SH3TC1: variants seen among roughly 807,000 people sequenced by gnomAD.
SH3TC1 encodes the protein SH3 domain and tetratricopeptide repeats 1, also known as SH3 domain and tetratricopeptide repeat-containing protein 1.
A neutral mutation model predicts 117.3 loss-of-function variants in SH3TC1; 135 were observed. That is an observed-to-expected ratio of 1.15 (90% CI 1.00 to 1.33). The LOEUF (loss-of-function observed/expected upper bound fraction) is 1.33, where lower values mean the gene tolerates loss of function less well. Ranked by LOEUF, SH3TC1 falls within the 40% of genes most tolerant of loss-of-function variation. The pLI, the probability that SH3TC1 is intolerant of heterozygous loss-of-function variation, is 0.00. For missense variants in SH3TC1, 2,092 were observed against 1,794.3 expected, an observed-to-expected ratio of 1.17 and a Z score of -3.00; for synonymous variants, 898 against 816.9, an observed-to-expected ratio of 1.10 and a Z score of -1.69.
At chr4:8,187,207 A>G (rs1430028437) in intron 1 of SH3TC1, among the ~76,000 whole-genome samples, 1 of 152,092 alleles carries the variant, frequency 6.6e-6, no homozygotes, top group Non-Finnish European at 1.5e-5. Context: ...TAGACAGGGG[A>G]TATGGGTTTG....
chr4:8,240,351 GC>G (rs1722220563), intron 17 of SH3TC1, among the ~76,000 whole-genome samples: 1 of 152,210 alleles, frequency 6.6e-6, no homozygotes, highest in African/African-American at 2.4e-5. Context: ...TCAACACTGT[GC>G]CCCTGCTGTG....
At position 8,237,471 on chromosome 4, in the gene SH3TC1, C is replaced by G; in HGVS notation, c.3557-3C>G. The G allele has an allele frequency of 6.4e-7, 1 of 1,561,022 alleles. No homozygotes were observed. Among genetic ancestry groups the G allele is most frequent in the African/African-American group, 1.4e-5 (1 of 73,908 alleles). On this transcript the variant is annotated splice_polypyrimidine_tract_variant and splice_region_variant and intron_variant, in intron 16 of 17. Coordinates refer to ENST00000245105, the MANE Select transcript of SH3TC1 (RefSeq NM_018986.5). ...ACACCTGCCCCCTTGGCCTGCACCC[C>G]AGGGGACCGGCTGAACGAGCGCGTG...
rs983211397 is a variant in SH3TC1, at chr4:8,192,863, C to T, written c.-57+10653C>T. On this transcript the variant is annotated intron_variant, in intron 1 of 16. Transcript: ENST00000508641. The surrounding 1 kb of genome is among the most constrained non-coding windows in gnomAD (Gnocchi z 4.1). ...CATGTCGCCACCTGGTGATTGGCTT[C>T]TCTGTGCATATATTTGCACAGTTGC... Among the ~76,000 whole-genome samples, 1 of 152,202 alleles carries T rather than the reference C, an allele frequency of 6.6e-6. No individual in the cohort carries two copies. The highest frequency in any genetic ancestry group is 1.5e-5 in the Non-Finnish European group (1 of 68,046).
At position 8,218,263 on chromosome 4, in the gene SH3TC1, G is replaced by A. The variant is rs185483665; in HGVS notation, c.840-8G>A. On this transcript the variant is annotated splice_region_variant and splice_polypyrimidine_tract_variant and intron_variant, in intron 7 of 17. Transcript: ENST00000245105. ...CCCGCAGCAAAGACCTCCCTCTTCC[G>A]GCTCCAGGTGGGCTCTTAGGATCCC... 20 of 1,608,194 alleles carry A rather than the reference G, an allele frequency of 1.2e-5. No individual in the cohort carries two copies. Among genetic ancestry groups the A allele is most frequent in the Middle Eastern group, 1.7e-4 (1 of 6,044 alleles).
In SH3TC1 at chr4:8,206,891, G is replaced by C. The variant is rs1210748350; in HGVS notation, c.172+1525G>C. Among the ~76,000 whole-genome samples, 1 of 151,274 alleles carries C rather than the reference G, an allele frequency of 6.6e-6. No individual in the cohort carries two copies. Among genetic ancestry groups the C allele is most frequent in the Admixed American group, 6.6e-5 (1 of 15,196 alleles). On this transcript the variant is annotated intron_variant, in intron 2 of 17. Coordinates refer to ENST00000245105, the MANE Select transcript of SH3TC1 (RefSeq NM_018986.5). The surrounding 1 kb of genome is among the most constrained non-coding windows in gnomAD (Gnocchi z 5.5). ...TGTGATTTTCTTCTGATCCTTTTGG[G>C]AGTAAATTGCAGACATGATGCCCCT...
At chr4:8,188,408 C>T (rs939081945) in intron 1 of SH3TC1, among the ~76,000 whole-genome samples, 13 of 152,226 alleles carry the variant, frequency 8.5e-5, no homozygotes, top group South Asian at 2.1e-4. Context: ...ATAATAATGA[C>T]GACGACTGCT....
At chr4:8,239,317 G>A (rs927115665) in intron 17 of SH3TC1, among the ~76,000 whole-genome samples, 1 of 147,734 alleles carries the variant, frequency 6.8e-6, no homozygotes, top group Non-Finnish European at 1.5e-5. Flanking sequence ...ACAGGCACAG[G>A]CACAGAGACA....
In SH3TC1 at chr4:8,241,013, G is replaced by C. The variant is rs8153; in HGVS notation, c.*58G>C. 0.41 allele frequency: 646,396 copies of C among 1,577,298 alleles called. 140,224 individuals are homozygous for C. Among genetic ancestry groups the C allele is most frequent in the Non-Finnish European group, 0.45 (528,060 of 1,163,530 alleles). Reference sequence around the variant, plus strand: ...GGGCTGGGGGTCTCCTGCCTCTCCTGGTGTCGCCGGTGGCTCATTTTCTGG... The same window carrying C: ...GGGCTGGGGGTCTCCTGCCTCTCCTCGTGTCGCCGGTGGCTCATTTTCTGG... On this transcript the variant is annotated 3_prime_UTR_variant, in exon 18 of 18. Coordinates refer to ENST00000245105, the MANE Select transcript of SH3TC1 (RefSeq NM_018986.5).
intron 6 of SH3TC1, 135 bp from the exon 7 acceptor site, chr4:8,216,822 T>A: frequency 2.3e-6 from 2 of 851,508 alleles, no homozygotes; most frequent in Non-Finnish European, 1.9e-6. Context: ...CCTTTGGGTC[T>A]CTGTGCCTGC....
At chr4:8,184,664 C>T (rs1354687863) in intron 1 of SH3TC1, among the ~76,000 whole-genome samples, 1 of 152,192 alleles carries the variant, frequency 6.6e-6, no homozygotes, top group Non-Finnish European at 1.5e-5. Context: ...CAGGTATGAG[C>T]CACTGTGGCC....
chr4:8,232,299 TG>T, intron 13 of SH3TC1, 143 bp downstream of exon 13: 2 of 1,456,230 alleles, frequency 1.4e-6, no homozygotes, highest in Non-Finnish European at 1.9e-6. Context: ...TGCTCTGAGC[TG>T]GGGGGCCTGG....
intron 1 of SH3TC1, among the ~76,000 whole-genome samples, chr4:8,187,456 C>T (rs954476452): frequency 2.0e-5 from 3 of 152,078 alleles, no homozygotes; most frequent in African/African-American, 4.8e-5. Flanking sequence ...TTCTTTTGCC[C>T]GGGGGGGTCT....
intron 8 of SH3TC1, 113 bp downstream of exon 8, chr4:8,218,460 G>T: frequency 1.4e-6 from 1 of 705,296 alleles, no homozygotes; most frequent in Non-Finnish European, 2.3e-6. Context: ...TAGCTATCAG[G>T]TAGTGCAAGA....
chr4:8,197,112 G>A (rs1171504498), upstream of SH3TC1, among the ~76,000 whole-genome samples: 4 of 152,270 alleles, frequency 2.6e-5, no homozygotes, highest in Admixed American at 6.5e-5. Context: ...GTGACAGGGC[G>A]CTTAAGGGAG....
Position 8,210,119 on chromosome 4 carries a change from A to G in SH3TC1, c.247+297A>G, listed in dbSNP as rs938841801. Among the ~76,000 whole-genome samples the G allele has an allele frequency of 2.8e-4, 43 of 152,162 alleles. No homozygotes were observed. The highest frequency in any genetic ancestry group is 9.9e-4 in the African/African-American group (41 of 41,460). On this transcript the variant is annotated intron_variant, in intron 3 of 17. Coordinates refer to ENST00000245105, the MANE Select transcript of SH3TC1 (RefSeq NM_018986.5). The surrounding 1 kb of genome is among the most constrained non-coding windows in gnomAD (Gnocchi z 4.1). ...CCCAGGGAGGGGCTTCACAGGTGCC[A>G]TATGGTAAGAGGTAGACGAAAGTAC...
In SH3TC1 at chr4:8,225,175, A is replaced by C; in HGVS notation, c.1244A>C (p.Asp415Ala). Reference sequence around the variant, plus strand: ...TTGCTTCTCTTTTCTCCCTTGCCAGACTCAGTAGAGGAAGCTGAGACCGAG... The same window carrying C: ...TTGCTTCTCTTTTCTCCCTTGCCAGCCTCAGTAGAGGAAGCTGAGACCGAG... ...GTDVCSVYSLDSVEEAETEQP... is the reference protein window; with the variant it reads ...GTDVCSVYSLASVEEAETEQP... The change falls in exon 11 of 18, where the codon GAC (aspartate) becomes GCC (alanine). Residue 415 changes from aspartate (D) to alanine (A), a missense_variant and splice_region_variant. Transcript: ENST00000245105. The surrounding 1 kb of genome is among the most constrained non-coding windows in gnomAD (Gnocchi z 5.5). The C allele has an allele frequency of 6.2e-7, 1 of 1,613,688 alleles. No individual in the cohort carries two copies. The highest frequency in any genetic ancestry group is 8.5e-7 in the Non-Finnish European group (1 of 1,179,928).
At chr4:8,182,119 G>A (rs56040299) in exon 1 of SH3TC1, 5,812 of 152,506 alleles carry the variant, frequency 0.038, 142 homozygotes, top group Non-Finnish European at 0.061. Context: ...GGGCTGTGTG[G>A]CTGTCCTGAG....
chr4:8,206,343 T>A lies in SH3TC1; in HGVS notation c.172+977T>A. 6.6e-6 allele frequency among the ~76,000 whole-genome samples: 1 copy of A among 152,106 alleles called. No individual in the cohort carries two copies. Among genetic ancestry groups the A allele is most frequent in the Non-Finnish European group, 1.5e-5 (1 of 67,928 alleles). On this transcript the variant is annotated intron_variant, in intron 2 of 17. Coordinates refer to ENST00000245105, the MANE Select transcript of SH3TC1 (RefSeq NM_018986.5). This position sits in a 1 kb window ranked among gnomAD's most constrained non-coding sequence, Gnocchi z 5.5. ...GGGGCCTGGGCCTGGGGAGCCCACC[T>A]GGCCATGGAATCGCGTTCCCTCCAG...
intron 1 of SH3TC1, among the ~76,000 whole-genome samples, chr4:8,184,451 CT>C (rs148279620): frequency 0.12 from 18,561 of 152,230 alleles, 1,304 homozygotes; most frequent in Non-Finnish European, 0.13. Context: ...GTGAGCATGG[CT>C]CACTGCAGCC....
Sources: gnomAD v4.1 joint callset for allele counts (sites outside exome capture counted in the v4.1 genomes callset) on GRCh38, gnomAD v4.1.1 for gene constraint, Gnocchi (gnomAD v3.1) non-coding constraint, MANE v1.5 for transcripts, NCBI Gene and HGNC (gene_info 2026-07-23, HGNC 2026-07-21) for gene names.